Variants in DNAH17 observed in about 807,000 individuals in gnomAD.
The protein encoded by DNAH17 is axonemal beta dynein heavy chain 17.
DNAH17 carries 376 observed loss-of-function variants against 485.6 expected under a neutral mutation model. The observed-to-expected ratio is 0.77, with a 90% CI of 0.71 to 0.84. The LOEUF (loss-of-function observed/expected upper bound fraction) is 0.84, where lower values mean the gene tolerates loss of function less well. Among genes scored for constraint, DNAH17 ranks in the 40% least tolerant of loss-of-function variants. The pLI is 0.00. For missense variants in DNAH17, 6,370 were observed against 5,839.3 expected, an observed-to-expected ratio of 1.09 and a Z score of -2.96; for synonymous variants, 3,031 against 2,405.9, an observed-to-expected ratio of 1.26 and a Z score of -7.60.
At chr17:78,572,264 C>A (rs754699625) in intron 3 of DNAH17, among the ~76,000 whole-genome samples, 1 of 108,822 alleles carries the variant, frequency 9.2e-6, no homozygotes, top group East Asian at 2.3e-4. Flanking sequence ...CTTCCCAGGG[C>A]CTCTGGGGGC....
intron 37 of DNAH17, among the ~76,000 whole-genome samples, chr17:78,497,719 A>G (rs999008330): frequency 6.6e-6 from 1 of 152,224 alleles, no homozygotes; most frequent in Non-Finnish European, 1.5e-5. Flanking sequence ...AGGAGGAAGC[A>G]GCCACCCCAG....
intron 26 of DNAH17, 99 bp downstream of exon 26, chr17:78,514,675 G>A (rs1429611844): frequency 4.1e-6 from 6 of 1,460,774 alleles, no homozygotes; most frequent in Non-Finnish European, 4.6e-6. Context: ...TACCAGCATC[G>A]GGCCCTGAAC....
At chr17:78,474,311 C>G (rs142982981) in intron 54 of DNAH17, among the ~76,000 whole-genome samples, 1,886 of 152,378 alleles carry the variant, frequency 0.012, 25 homozygotes, top group Middle Eastern at 0.034. Context: ...TGTAGGACGG[C>G]CCAATCGATT....
intron 44 of DNAH17, chr17:78,489,984 T>C (rs2089779048): frequency 6.6e-6 from 1 of 152,176 alleles, no homozygotes; most frequent in South Asian, 2.1e-4. Context: ...CACAAAGCTG[T>C]CATTTCTATG....
chr17:78,541,377 G>GTGGATGGATGGA (rs371016100), intron 17 of DNAH17, among the ~76,000 whole-genome samples: 4 of 148,418 alleles, frequency 2.7e-5, no homozygotes, highest in Non-Finnish European at 4.5e-5. Flanking sequence ...AGATGTGTAA[G>GTGGATGGATGGA]TGGATGGATG....
intron 16 of DNAH17, among the ~76,000 whole-genome samples, chr17:78,548,815 G>A (rs1176569464): frequency 6.6e-6 from 1 of 152,246 alleles, no homozygotes; most frequent in Non-Finnish European, 1.5e-5. Flanking sequence ...TGTCATGTCT[G>A]TTTTTGCTAG....
Position 78,455,519 on chromosome 17 carries a change from G to C in DNAH17, c.10170+125C>G, listed in dbSNP as rs370793866. The stretch of plus-strand genomic sequence containing the variant: ...TTTTTTTAAATTTAATAGAGATGGG[G>C]TTTCACCATGTTGGCCAGGCTGCTC... On this transcript the variant is annotated intron_variant, in intron 63 of 80. Coordinates refer to ENST00000389840, the MANE Select transcript of DNAH17 (RefSeq NM_173628.4). The C allele has an allele frequency of 1.4e-3, 975 of 679,922 alleles. 23 individuals are homozygous for C. The South Asian group carries it at 0.021, about 15-fold the overall frequency. The allele number at this position is 679,922 out of a possible 1,614,324, so 42.1% of individuals were successfully genotyped here.
chr17:78,525,120 C>A lies in DNAH17; in HGVS notation c.3753G>T (p.Ala1251=), dbSNP rs370307232. The change falls in exon 25 of 81, where the codon GCG becomes GCT. Residue 1251 remains alanine (A), a synonymous_variant. Coordinates refer to ENST00000389840, the MANE Select transcript of DNAH17 (RefSeq NM_173628.4). ...SISAMEGIME[A]LSKSGGLFEV... is the part of the protein sequence containing the mutation. ...CGAACAGGCCCCCGGACTTGGACAG[C>A]GCCTCCATGATGCCTTCCATGGCGG... is the stretch of plus-strand genomic sequence containing the variant. The A allele has an allele frequency of 6.8e-6, 11 of 1,613,684 alleles. No homozygotes were observed. The highest frequency in any genetic ancestry group is 8.5e-6 in the Non-Finnish European group (10 of 1,179,854).
intron 70 of DNAH17, among the ~76,000 whole-genome samples, chr17:78,445,303 A>T (rs933581428): frequency 6.6e-6 from 1 of 151,552 alleles, no homozygotes; most frequent in Admixed American, 6.6e-5. Flanking sequence ...CCCCCAGAGG[A>T]TATCACTCTC....
At chr17:78,489,301 C>T (rs1188632590) in intron 44 of DNAH17, 4 of 152,342 alleles carry the variant, frequency 2.6e-5, no homozygotes, top group African/African-American at 9.6e-5. Flanking sequence ...TGAAAACAGC[C>T]ATGCCTGCAT....
chr17:78,543,681 T>C, intron 17 of DNAH17, 176 bp downstream of exon 17: 1 of 937,946 alleles, frequency 1.1e-6, no homozygotes, highest in East Asian at 2.4e-5. Context: ...CGACTCAGCC[T>C]CCCAGAGTGC....
rs1171858499 is a variant in DNAH17 at position 78,529,485 on chromosome 17, T to C, written c.3494A>G (p.His1165Arg). ...TYGEEMPEEIHLKLQELPEHW... is the reference protein window; with the variant it reads ...TYGEEMPEEIRLKLQELPEHW... ...CCCACCACGTACCTGCAGCTTCAAG[T>C]GGATCTCCTCTGGCATCTCCTCCCC... Residue 1165 changes from histidine (H) to arginine (R), a missense_variant, in exon 22 of 81, where the codon CAC becomes CGC. By Grantham distance (29) the His-to-Arg change is conservative. Transcript: ENST00000389840. 6.2e-7 allele frequency: 1 copy of C among 1,613,824 alleles called. No homozygotes were observed. The highest frequency in any genetic ancestry group is 1.3e-5 in the African/African-American group (1 of 74,900).
At chr17:78,453,097 TC>T (rs2087625513) in intron 65 of DNAH17, among the ~76,000 whole-genome samples, 1 of 152,198 alleles carries the variant, frequency 6.6e-6, no homozygotes, top group African/African-American at 2.4e-5. Context: ...CCTTCAAGCC[TC>T]CCCATCTGGA....
At chr17:78,533,143 G>A in intron 19 of DNAH17, 1 of 186,496 alleles carries the variant, frequency 5.4e-6, no homozygotes, top group Admixed American at 5.5e-5. Context: ...GTTTGTCTGG[G>A]GAACCCCGAG....
At chr17:78,434,303 C>G in intron 74 of DNAH17, 83 bp from the exon 75 acceptor site, 1 of 1,385,456 alleles carries the variant, frequency 7.2e-7, no homozygotes, top group South Asian at 1.4e-5. Flanking sequence ...CAGCGTCCAG[C>G]CCTTGCCAGA....
chr17:78,441,809 G>T (rs1378967930), intron 71 of DNAH17, among the ~76,000 whole-genome samples: 1 of 152,222 alleles, frequency 6.6e-6, no homozygotes, highest in Non-Finnish European at 1.5e-5. Flanking sequence ...AAACTTGCCA[G>T]TGTGGTGGCT....
chr17:78,486,380 T>C lies in DNAH17; in HGVS notation c.6945A>G (p.Pro2315=), dbSNP rs774747454. The C allele has an allele frequency of 5.6e-6, 9 of 1,613,746 alleles. No homozygotes were observed. The South Asian group carries it at 8.8e-5, about 16-fold the overall frequency. The change falls in exon 45 of 81, where the codon CCA becomes CCG. Residue 2315 remains proline (P), a synonymous_variant. Coordinates refer to ENST00000389840, the MANE Select transcript of DNAH17 (RefSeq NM_173628.4). ...KLRFGFKKIT[P]VPEITVIQTI... is the part of the protein sequence containing the mutation. ...TTTGGATCACCGTGATCTCCGGCAC[T>C]GGCGTGATCTTCTTGAACCCAAAGC...
intron 56 of DNAH17, among the ~76,000 whole-genome samples, chr17:78,464,319 G>C (rs1327703241): frequency 1.3e-5 from 2 of 152,170 alleles, no homozygotes; most frequent in African/African-American, 4.8e-5. Flanking sequence ...GAGTGCAGTG[G>C]CACAATCTTG....
At chr17:78,502,043 G>T in intron 33 of DNAH17, 170 bp from the exon 34 acceptor site, 1 of 905,388 alleles carries the variant, frequency 1.1e-6, no homozygotes, top group African/African-American at 1.7e-5. Flanking sequence ...TTTCACCAGG[G>T]TGCGGCCCTG....
Sources: allele counts gnomAD v4.1 joint callset (sites outside exome capture counted in the v4.1 genomes callset), GRCh38; gene constraint gnomAD v4.1.1; transcripts MANE v1.5; gene names NCBI Gene and HGNC (gene_info 2026-07-23, HGNC 2026-07-21).